Variants in MCPH1 observed in about 807,000 individuals in gnomAD.
The protein encoded by MCPH1 is microcephalin 1, also known as microcephalin.
A neutral mutation model predicts 84.5 loss-of-function variants in MCPH1; 104 were observed. The ratio of observed to expected loss-of-function variants is 1.23; its 90% confidence interval spans 1.05 to 1.45. MCPH1 has a LOEUF of 1.45. MCPH1 is among the 40% of genes most tolerant of loss of function. The pLI, the probability that MCPH1 is intolerant of heterozygous loss-of-function variation, is 0.00. For missense variants in MCPH1, 1,498 were observed against 1,005.7 expected, an observed-to-expected ratio of 1.49 and a Z score of -6.62; for synonymous variants, 514 against 366.8, an observed-to-expected ratio of 1.40 and a Z score of -4.58.
chr8:6,541,954 G>A (rs1305861461), intron 12 of MCPH1, among the ~76,000 whole-genome samples: 2 of 150,842 alleles, frequency 1.3e-5, no homozygotes, highest in South Asian at 4.2e-4. Context: ...GCTGCAGTGA[G>A]CCGTGATCGT....
At chr8:6,417,022 T>C (rs73516716) in intron 3 of MCPH1, among the ~76,000 whole-genome samples, 9,923 of 152,094 alleles carry the variant, frequency 0.065, 766 homozygotes, top group African/African-American at 0.19. Context: ...TCTCTGGCTT[T>C]TGTCAAGATT....
At chr8:6,530,867 G>T (rs1376954785) in intron 12 of MCPH1, among the ~76,000 whole-genome samples, 1 of 152,176 alleles carries the variant, frequency 6.6e-6, no homozygotes, top group Non-Finnish European at 1.5e-5. Context: ...TGAGTCTTAC[G>T]AGAGTGGCAG....
chr8:6,599,220 C>T (rs1006010520), intron 12 of MCPH1, among the ~76,000 whole-genome samples: 2 of 152,164 alleles, frequency 1.3e-5, no homozygotes, highest in African/African-American at 4.8e-5. Context: ...GAATGCCTTC[C>T]TCCGCGGACC....
At chr8:6,416,233 T>C (rs1204097232) in intron 3 of MCPH1, among the ~76,000 whole-genome samples, 1 of 152,182 alleles carries the variant, frequency 6.6e-6, no homozygotes, top group Non-Finnish European at 1.5e-5. Flanking sequence ...ATTTTGTAAA[T>C]AGAGATAGAT....
intron 9 of MCPH1, among the ~76,000 whole-genome samples, chr8:6,474,642 C>T (rs565245618): frequency 2.0e-5 from 3 of 152,220 alleles, no homozygotes; most frequent in South Asian, 2.1e-4. Flanking sequence ...TTACGAGTAA[C>T]GTTCACTTAT....
At chr8:6,593,999 C>T (rs866069190) in intron 12 of MCPH1, among the ~76,000 whole-genome samples, 1 of 152,204 alleles carries the variant, frequency 6.6e-6, no homozygotes, top group South Asian at 2.1e-4. Context: ...TCCCTATTGT[C>T]TCTTCTCTCC....
intron 3 of MCPH1, among the ~76,000 whole-genome samples, chr8:6,428,700 C>G (rs1424112321): frequency 6.6e-6 from 1 of 152,168 alleles, no homozygotes; most frequent in Non-Finnish European, 1.5e-5. Context: ...AATTTCATTT[C>G]TTTTTATGGT....
intron 13 of MCPH1, among the ~76,000 whole-genome samples, chr8:6,628,929 G>A (rs1796961835): frequency 6.6e-6 from 1 of 152,212 alleles, no homozygotes; most frequent in African/African-American, 2.4e-5. Flanking sequence ...TTTGGAGTAT[G>A]CTGAACTTGT....
chr8:6,417,436 T>G (rs1409287401), intron 3 of MCPH1, among the ~76,000 whole-genome samples: 1 of 152,182 alleles, frequency 6.6e-6, no homozygotes, highest in African/African-American at 2.4e-5. Flanking sequence ...AGCCAGGTAG[T>G]TTCCCAATCC....
At position 6,645,505 on chromosome 8, in the gene MCPH1, G is replaced by C. The variant is rs1798174612; in HGVS notation, c.*2456G>C. On this transcript the variant is annotated 3_prime_UTR_variant, in exon 14 of 14. Coordinates refer to ENST00000344683, the MANE Select transcript of MCPH1 (RefSeq NM_024596.5). ...TGCATTAAAGTTTCTACCCAGAGAA[G>C]GCAATAAAAGGAAATTAAAGCTATA... 6.7e-6 allele frequency: 1 copy of C among 149,574 alleles called. No individual in the cohort carries two copies. The highest frequency in any genetic ancestry group is 2.1e-4 in the South Asian group (1 of 4,752). 9.3% of individuals were successfully genotyped at this position (149,574 alleles called of 1,614,324 possible). A position where few individuals can be genotyped will look rare whatever the true frequency, so the allele number is the denominator to read the frequency against.
At chr8:6,624,503 T>C (rs1007258240) in intron 13 of MCPH1, among the ~76,000 whole-genome samples, 1 of 152,244 alleles carries the variant, frequency 6.6e-6, no homozygotes, top group Non-Finnish European at 1.5e-5. Context: ...CTCTCTGAGA[T>C]GTAAGATCAC....
At chr8:6,556,614 T>G (rs1160514409) in intron 12 of MCPH1, among the ~76,000 whole-genome samples, 2 of 143,714 alleles carry the variant, frequency 1.4e-5, no homozygotes, top group African/African-American at 6.0e-5. Context: ...GAATTGTCTT[T>G]TTTTATTTTT....
chr8:6,476,729 C>T (rs1450355127), intron 9 of MCPH1, among the ~76,000 whole-genome samples: 1 of 152,140 alleles, frequency 6.6e-6, no homozygotes, highest in Non-Finnish European at 1.5e-5. Context: ...TTTGTTCCTT[C>T]TCATTTACTT....
rs544573302 is a variant in MCPH1 at position 6,625,787 on chromosome 8, A to G, written c.2452+4096A>G. 220 of 984,764 alleles carry G rather than the reference A, an allele frequency of 2.2e-4. 1 individual carries two copies. The highest frequency in any genetic ancestry group is 2.6e-4 in the Non-Finnish European group (215 of 829,350). The allele number at this position is 984,764 out of a possible 1,614,324, so 61.0% of individuals were successfully genotyped here. On this transcript the variant is annotated intron_variant, in intron 13 of 13. Coordinates refer to ENST00000344683, the MANE Select transcript of MCPH1 (RefSeq NM_024596.5). Reference sequence around the variant, plus strand: ...CAACAGAGCAAGACCCCATCTCTAAAAAGAAAAAAAAAAGAATCATTTTTC... The same window carrying G: ...CAACAGAGCAAGACCCCATCTCTAAGAAGAAAAAAAAAAGAATCATTTTTC...
In MCPH1 at chr8:6,406,643, A is replaced by T. The variant is rs1288007977; in HGVS notation, c.-25A>T. ...CAGGCTCGCAAGCACCGCGTAGGCC[A>T]GCTGGCCGGATCCCGCCGTCTGTCA... On this transcript the variant is annotated 5_prime_UTR_variant, in exon 1 of 14. Transcript: ENST00000344683. 2 of 1,611,018 alleles carry T rather than the reference A, an allele frequency of 1.2e-6. No homozygotes were observed. The highest frequency in any genetic ancestry group is 1.1e-5 in the South Asian group (1 of 90,720).
intron 12 of MCPH1, among the ~76,000 whole-genome samples, chr8:6,544,513 C>G (rs1435272645): frequency 6.6e-6 from 1 of 152,140 alleles, no homozygotes; most frequent in Non-Finnish European, 1.5e-5. Context: ...AAAATACCAG[C>G]TCTAGGGATG....
At chr8:6,634,680 T>C (rs1290911844) in intron 13 of MCPH1, among the ~76,000 whole-genome samples, 2 of 152,206 alleles carry the variant, frequency 1.3e-5, no homozygotes, top group Non-Finnish European at 2.9e-5. Context: ...TACAGGCCTC[T>C]TGTGCTCGCT....
intron 12 of MCPH1, among the ~76,000 whole-genome samples, chr8:6,609,660 C>T (rs1830081811): frequency 6.6e-6 from 1 of 152,184 alleles, no homozygotes; most frequent in Non-Finnish European, 1.5e-5. Context: ...GAGCGATTAT[C>T]CTGATGCGCT....
rs1803610315 is a variant in MCPH1 at position 6,442,145 on chromosome 8, C to T, written c.659C>T (p.Thr220Ile). The T allele has an allele frequency of 1.2e-6, 2 of 1,604,934 alleles. No homozygotes were observed. The highest frequency in any genetic ancestry group is 2.7e-5 in the African/African-American group (2 of 74,818). ...GCACCTTTGAACATTTCACGTGATA[C>T]TTTGTGTTCAGGTAAAATTTTTATT... ...CEAPLNISRDTLCSDEYFAGG... is the reference protein window; with the variant it reads ...CEAPLNISRDILCSDEYFAGG... Residue 220 changes from threonine to isoleucine, a missense_variant, in exon 7 of 14, where the codon ACT becomes ATT. Thr to Ile is a moderately conservative substitution (Grantham distance 89). Coordinates refer to ENST00000344683, the MANE Select transcript of MCPH1 (RefSeq NM_024596.5).
Sources: gnomAD v4.1 joint callset for allele counts (sites outside exome capture counted in the v4.1 genomes callset) on GRCh38, gnomAD v4.1.1 for gene constraint, MANE v1.5 for transcripts, NCBI Gene and HGNC (gene_info 2026-07-23, HGNC 2026-07-21) for gene names.